The following CCDC117 variants were observed in gnomAD, a reference collection of about 807,000 sequenced individuals.
The protein encoded by CCDC117 is coiled-coil domain containing 117.
Under a neutral mutation model 23.5 loss-of-function variants are expected in CCDC117, and 1 was observed. The observed-to-expected ratio is 0.04, with a 90% CI of 0.02 to 0.20. The LOEUF (loss-of-function observed/expected upper bound fraction) is 0.20. Among genes scored for constraint, CCDC117 ranks in the 10% least tolerant of loss-of-function variants. The pLI, the probability that CCDC117 is intolerant of heterozygous loss-of-function variation, is 1.00. For missense variants in CCDC117, 383 were observed against 348.2 expected, an observed-to-expected ratio of 1.10 and a Z score of -0.80; for synonymous variants, 132 against 124.8, an observed-to-expected ratio of 1.06 and a Z score of -0.39.
At chr22:28,781,942 C>A (rs937167761) in intron 3 of CCDC117, among the ~76,000 whole-genome samples, 6 of 150,418 alleles carry the variant, frequency 4.0e-5, no homozygotes, top group Admixed American at 2.6e-4. Flanking sequence ...ACCACCCAGC[C>A]CCCCCCCTTT....
chr22:28,782,363 A>G (rs1219807822), intron 3 of CCDC117, among the ~76,000 whole-genome samples: 2 of 150,084 alleles, frequency 1.3e-5, no homozygotes, highest in Non-Finnish European at 2.9e-5. Flanking sequence ...GGTTCAAGCA[A>G]TTCACTTGCC....
At position 28,772,846 on chromosome 22, in the gene CCDC117, G is replaced by T; in HGVS notation, c.-4G>T. 8.1e-7 allele frequency: 1 copy of T among 1,229,024 alleles called. No individual in the cohort carries two copies. Among genetic ancestry groups the T allele is most frequent in the South Asian group, 3.8e-5 (1 of 26,282 alleles). 76.1% of individuals were successfully genotyped at this position (1,229,024 alleles called of 1,614,324 possible). On this transcript the variant is annotated 5_prime_UTR_variant, in exon 1 of 5. Coordinates refer to ENST00000249064, the MANE Select transcript of CCDC117 (RefSeq NM_173510.4). ...GCCGTCGCAGCCTCCTCGTCTCGCC[G>T]GCTATGGCTGCGCTCGGCCGGCCCT...
chr22:28,782,033 G>T (rs1346316353), intron 3 of CCDC117, among the ~76,000 whole-genome samples: 1 of 149,334 alleles, frequency 6.7e-6, no homozygotes, highest in Non-Finnish European at 1.5e-5. Context: ...AACCTTTCAG[G>T]CTCAACCCAT....
rs754714670 is a variant in CCDC117, at chr22:28,781,019, C to G, written c.311C>G (p.Ala104Gly). 5.0e-6 allele frequency: 8 copies of G among 1,613,728 alleles called. No individual in the cohort carries two copies. The highest frequency in any genetic ancestry group is 6.8e-6 in the Non-Finnish European group (8 of 1,179,906). The change falls in exon 3 of 5, where the codon GCA becomes GGA. Residue 104 changes from alanine (A) to glycine (G), a missense_variant. By Grantham distance (60) the Ala-to-Gly change is moderately conservative. Coordinates refer to ENST00000249064, the MANE Select transcript of CCDC117 (RefSeq NM_173510.4). The part of the protein sequence containing the change: ...CAGPNDWILC[A>G]HQDVEGHGVN... Reference sequence around the variant, plus strand: ...GGTCCTAATGACTGGATTCTTTGTGCACATCAGGATGTAGAGGGGCATGGA... The same window carrying G: ...GGTCCTAATGACTGGATTCTTTGTGGACATCAGGATGTAGAGGGGCATGGA...
Position 28,786,128 on chromosome 22 carries a change from C to A in CCDC117, c.642C>A (p.Leu214=), listed in dbSNP as rs1280422683. Reference sequence around the variant, plus strand: ...TGGAGCTTGTTCTCTGGAAACCCCTCCCTGAACTCCTTTCTGATAAGCCAA... The same window carrying A: ...TGGAGCTTGTTCTCTGGAAACCCCTACCTGAACTCCTTTCTGATAAGCCAA... ...PSMELVLWKP[L]PELLSDKPKP... The change falls in exon 5 of 5, where the codon CTC becomes CTA. Residue 214 remains leucine (L), a synonymous_variant. Coordinates refer to ENST00000249064, the MANE Select transcript of CCDC117 (RefSeq NM_173510.4). 10 of 1,614,016 alleles carry A rather than the reference C, an allele frequency of 6.2e-6. No homozygotes were observed. The highest frequency in any genetic ancestry group is 8.5e-6 in the Non-Finnish European group (10 of 1,179,964).
At chr22:28,775,935 A>G (rs747869360) in intron 2 of CCDC117, among the ~76,000 whole-genome samples, 2 of 152,174 alleles carry the variant, frequency 1.3e-5, no homozygotes, top group Non-Finnish European at 2.9e-5. Context: ...GATAATATCC[A>G]TGAACAACCA....
chr22:28,772,825 T>G lies in CCDC117; in HGVS notation c.-25T>G. 8.2e-7 allele frequency: 1 copy of G among 1,222,702 alleles called. No individual in the cohort carries two copies. 75.7% of individuals were successfully genotyped at this position (1,222,702 alleles called of 1,614,324 possible). A position where few individuals can be genotyped will look rare whatever the true frequency, so the allele number is the denominator to read the frequency against. On this transcript the variant is annotated 5_prime_UTR_variant, in exon 1 of 5. Transcript: ENST00000249064. Reference sequence around the variant, plus strand: ...GGGACGCGGGCGGCCGAGGCCGCCGTCGCAGCCTCCTCGTCTCGCCGGCTA... The same window carrying G: ...GGGACGCGGGCGGCCGAGGCCGCCGGCGCAGCCTCCTCGTCTCGCCGGCTA...
Position 28,786,420 on chromosome 22 carries a change from T to G in CCDC117, c.*94T>G, listed in dbSNP as rs189905230. 6.3e-4 allele frequency: 505 copies of G among 806,264 alleles called. 6 individuals carry two copies. Among genetic ancestry groups the G allele is most frequent in the South Asian group, 3.3e-3 (177 of 53,904 alleles). The allele number at this position is 806,264 out of a possible 1,614,324, so 49.9% of individuals were successfully genotyped here. On this transcript the variant is annotated 3_prime_UTR_variant, in exon 5 of 5. Coordinates refer to ENST00000249064, the MANE Select transcript of CCDC117 (RefSeq NM_173510.4). Reference sequence around the variant, plus strand: ...ATAGTATAGGGACTTGAAAGTTTTATGAGACGGGTGTAATAATATCTCCAC... The same window carrying G: ...ATAGTATAGGGACTTGAAAGTTTTAGGAGACGGGTGTAATAATATCTCCAC...
intron 2 of CCDC117, among the ~76,000 whole-genome samples, chr22:28,775,002 A>G (rs879783292): frequency 3.9e-5 from 6 of 152,114 alleles, no homozygotes; most frequent in Non-Finnish European, 4.4e-5. Flanking sequence ...GGTGGCTCAC[A>G]CCTGTAATCC....
At chr22:28,781,476 A>G (rs1209311163) in intron 3 of CCDC117, among the ~76,000 whole-genome samples, 2 of 83,392 alleles carry the variant, frequency 2.4e-5, no homozygotes, top group Non-Finnish European at 4.1e-5. Flanking sequence ...TCAGCCTCCC[A>G]AGTAGCTGGG....
At chr22:28,783,756 GC>G (rs1413174006) in intron 4 of CCDC117, 111 bp downstream of exon 4, 20 of 995,830 alleles carry the variant, frequency 2.0e-5, no homozygotes, top group South Asian at 4.7e-5. Flanking sequence ...TGATCCCCAG[GC>G]AATTGGAGAT....
Position 28,772,749 on chromosome 22 carries a change from T to C in CCDC117, c.-101T>C, listed in dbSNP as rs934260442. The stretch of plus-strand genomic sequence containing the variant: ...GCGTGACGTGGGGTCGAGAGCGGGA[T>C]CCGAGGCTGGCGGGTTTTGGCAGTA... On this transcript the variant is annotated 5_prime_UTR_variant, in exon 1 of 5. Transcript: ENST00000249064. 2.1e-6 allele frequency: 2 copies of C among 955,472 alleles called. No individual in the cohort carries two copies. The highest frequency in any genetic ancestry group is 2.7e-6 in the Non-Finnish European group (2 of 744,408). 59.2% of individuals were successfully genotyped at this position (955,472 alleles called of 1,614,324 possible).
intron 3 of CCDC117, among the ~76,000 whole-genome samples, chr22:28,781,949 CTT>C (rs754411163): frequency 1.4e-5 from 2 of 141,664 alleles, no homozygotes; most frequent in Non-Finnish European, 1.5e-5. Context: ...AGCCCCCCCC[CTT>C]TTTTTTTTTT....
At chr22:28,774,171 C>G (rs907323988) in intron 2 of CCDC117, among the ~76,000 whole-genome samples, 1 of 150,762 alleles carries the variant, frequency 6.6e-6, no homozygotes, top group Non-Finnish European at 1.5e-5. Context: ...GGCTTCATGC[C>G]ATTCTCCTGC....
chr22:28,780,259 T>C (rs1354432078), intron 2 of CCDC117, among the ~76,000 whole-genome samples: 1 of 152,180 alleles, frequency 6.6e-6, no homozygotes, highest in African/African-American at 2.4e-5. Flanking sequence ...GACCCCACTA[T>C]TGGTTGGACA....
intron 1 of CCDC117, 36 bp downstream of exon 1, chr22:28,773,070 C>G (rs555383649): frequency 5.1e-3 from 331 of 64,858 alleles, no homozygotes; most frequent in Non-Finnish European, 7.7e-3. Context: ...GCAGGGCGGG[C>G]GGGCGGGCGG....
intron 1 of CCDC117, 55 bp from the exon 2 acceptor site, chr22:28,773,670 A>G: frequency 6.9e-7 from 1 of 1,445,058 alleles, no homozygotes; most frequent in Non-Finnish European, 9.7e-7. Flanking sequence ...GAGGATACTG[A>G]AACCACAAGC....
intron 2 of CCDC117, 151 bp from the exon 3 acceptor site, chr22:28,780,797 A>C: frequency 1.6e-6 from 1 of 613,628 alleles, no homozygotes; most frequent in Non-Finnish European, 2.9e-6. Flanking sequence ...TGAGAATAGC[A>C]GGAAAAATAC....
At chr22:28,778,793 T>TA (rs2146248595) in intron 2 of CCDC117, among the ~76,000 whole-genome samples, 1 of 152,342 alleles carries the variant, frequency 6.6e-6, no homozygotes, top group South Asian at 2.1e-4. Flanking sequence ...TTTGGATGTC[T>TA]AATGCCCAGA....
Sources: gnomAD v4.1 joint callset for allele counts (sites outside exome capture counted in the v4.1 genomes callset) on GRCh38, gnomAD v4.1.1 for gene constraint, MANE v1.5 for transcripts, NCBI Gene and HGNC (gene_info 2026-07-23, HGNC 2026-07-21) for gene names.